F5: variants seen among roughly 807,000 people sequenced by gnomAD.
F5 encodes coagulation factor V, also known as activated protein c cofactor.
In F5, 138 loss-of-function variants were observed where a neutral mutation model predicts 216.4. The ratio of observed to expected loss-of-function variants is 0.64; its 90% CI spans 0.56 to 0.73. F5 has a LOEUF of 0.73. F5 is among the 30% of genes least tolerant of loss of function. The pLI is 0.00. For synonymous variants in F5, 916 were observed against 930.7 expected (o/e 0.98, Z 0.29); for missense variants, 2,403 against 2,674.0 (o/e 0.90, Z 2.24).
intron 3 of F5, among the ~76,000 whole-genome samples, chr1:169,567,246 G>C (rs368230926): frequency 1.3e-5 from 2 of 151,888 alleles, no homozygotes; most frequent in South Asian, 2.1e-4. Context: ...TCCCAAAGGA[G>C]GGGGGAGGGA....
At chr1:169,584,356 A>G (rs1311892823) in intron 1 of F5, among the ~76,000 whole-genome samples, 1 of 152,250 alleles carries the variant, frequency 6.6e-6, no homozygotes, top group Non-Finnish European at 1.5e-5. Context: ...GGATTGTTTA[A>G]AGATGATTTG....
At position 169,550,683 on chromosome 1, in the gene F5, G is replaced by C; in HGVS notation, c.1353C>G (p.Thr451=). 1 of 1,614,020 alleles carries C rather than the reference G, an allele frequency of 6.2e-7. No homozygotes were observed. The highest frequency in any genetic ancestry group is 1.1e-5 in the South Asian group (1 of 91,076). ...RPYSIYPHGV[T]FSPYEDEVNS... ...TGACTTCATCTTCATAAGGCGAGAAGGTCACTCCATGAGGGTAAATGCTAT... is the reference window on the plus strand; with the variant it reads ...TGACTTCATCTTCATAAGGCGAGAACGTCACTCCATGAGGGTAAATGCTAT... Residue 451 remains threonine (T), a synonymous_variant, in exon 9 of 25, where the codon ACC becomes ACG. Coordinates refer to ENST00000367797, the MANE Select transcript of F5 (RefSeq NM_000130.5).
intron 7 of F5, among the ~76,000 whole-genome samples, chr1:169,553,147 C>T (rs373676761): frequency 8.5e-5 from 13 of 152,290 alleles, no homozygotes; most frequent in African/African-American, 2.9e-4. Context: ...AACTTCCAAC[C>T]CCAGGAAACA....
At chr1:169,537,719 T>C (rs1484681083) in intron 13 of F5, among the ~76,000 whole-genome samples, 2 of 152,024 alleles carry the variant, frequency 1.3e-5, no homozygotes, top group African/African-American at 4.8e-5. Context: ...CCAACAAATA[T>C]ATGAAAAGAT....
At chr1:169,575,864 T>A (rs1420223946) in intron 2 of F5, among the ~76,000 whole-genome samples, 1 of 152,104 alleles carries the variant, frequency 6.6e-6, no homozygotes, top group Non-Finnish European at 1.5e-5. Flanking sequence ...TGCTACTTTA[T>A]ATGGCAAAAG....
At chr1:169,576,304 T>C (rs967570646) in intron 2 of F5, among the ~76,000 whole-genome samples, 1 of 152,232 alleles carries the variant, frequency 6.6e-6, no homozygotes. Flanking sequence ...CCTACCCCTG[T>C]CTTGCCACCC....
Position 169,555,203 on chromosome 1 carries a change from A to C in F5, c.1097T>G (p.Val366Gly), listed in dbSNP as rs1660285000. The stretch of plus-strand genomic sequence containing the variant: ...TCACTTGTCCATATTCGCTGGTATT[A>C]CAGGTGCATAGTCCCAAATGACTTC... ...AEEVIWDYAP[V>G]IPANMDKKYR... The change falls in exon 7 of 25, where the codon GTA becomes GGA. Residue 366 changes from valine to glycine, a missense_variant. Physicochemically the swap from Val to Gly is moderately radical, Grantham distance 109 (BLOSUM62 -3). Coordinates refer to ENST00000367797, the MANE Select transcript of F5 (RefSeq NM_000130.5). The C allele has an allele frequency of 6.2e-7, 1 of 1,614,114 alleles. No individual in the cohort carries two copies.
Position 169,514,227 on chromosome 1 carries a change from AT to A in F5, c.*85del. On this transcript the variant is annotated 3_prime_UTR_variant, in exon 25 of 25. Transcript: ENST00000367797. Reference sequence around the variant, plus strand: ...AGAGAAATAGTGGAAAACTGTTAACATTTAACACAGCGTAAAATACATTGCC... The same window carrying A: ...AGAGAAATAGTGGAAAACTGTTAACATTAACACAGCGTAAAATACATTGCC... The A allele has an allele frequency of 7.3e-7, 1 of 1,372,414 alleles. No homozygotes were observed. Among genetic ancestry groups the A allele is most frequent in the Non-Finnish European group, 1.0e-6 (1 of 963,268 alleles). 85.0% of individuals were successfully genotyped at this position (1,372,414 alleles called of 1,614,324 possible).
intron 1 of F5, 124 bp downstream of exon 1, chr1:169,586,105 T>TA (rs1661096603): frequency 9.7e-7 from 1 of 1,028,060 alleles, no homozygotes; most frequent in Admixed American, 2.2e-5. Flanking sequence ...ACTCTCCTAT[T>TA]AGTTATATTT....
intron 24 of F5, 98 bp downstream of exon 24, chr1:169,515,346 G>C: frequency 7.4e-7 from 1 of 1,347,396 alleles, no homozygotes; most frequent in Non-Finnish European, 1.1e-6. Flanking sequence ...TTAAAGAGGT[G>C]GTACATGTCA....
intron 3 of F5, among the ~76,000 whole-genome samples, chr1:169,567,086 G>C (rs1660618775): frequency 1.3e-5 from 2 of 151,824 alleles, no homozygotes; most frequent in South Asian, 4.1e-4. Context: ...GTGCCAGCAT[G>C]GTTGGGTTCT....
chr1:169,572,089 C>A, intron 3 of F5, 132 bp downstream of exon 3: 1 of 1,034,872 alleles, frequency 9.7e-7, no homozygotes, highest in East Asian at 2.6e-5. Flanking sequence ...ACAACAGCAA[C>A]AATTTTTATA....
At chr1:169,534,013 A>T (rs1201734250) in intron 14 of F5, among the ~76,000 whole-genome samples, 1 of 152,148 alleles carries the variant, frequency 6.6e-6, no homozygotes, top group Non-Finnish European at 1.5e-5. Flanking sequence ...TCGACCCGTG[A>T]CCTAATCGGT....
At chr1:169,535,715 AT>A in intron 14 of F5, among the ~76,000 whole-genome samples, 1 of 152,282 alleles carries the variant, frequency 6.6e-6, no homozygotes, top group South Asian at 2.1e-4. Flanking sequence ...GGATCCCCTA[AT>A]CATAAAAGAG....
In F5 at chr1:169,514,021, T is replaced by G; in HGVS notation, c.*292A>C. 2.8e-6 allele frequency: 1 copy of G among 356,008 alleles called. No homozygotes were observed. Among genetic ancestry groups the G allele is most frequent in the Non-Finnish European group, 5.2e-6 (1 of 194,128 alleles). 22.1% of individuals were successfully genotyped at this position (356,008 alleles called of 1,614,324 possible). On this transcript the variant is annotated 3_prime_UTR_variant, in exon 25 of 25. Coordinates refer to ENST00000367797, the MANE Select transcript of F5 (RefSeq NM_000130.5). Reference sequence around the variant, plus strand: ...TAATGAAGCATTTTAACTACATAAATATTACTTCATAGCATTTTCAATCAT... The same window carrying G: ...TAATGAAGCATTTTAACTACATAAAGATTACTTCATAGCATTTTCAATCAT...
intron 24 of F5, 118 bp from the exon 25 acceptor site, chr1:169,514,577 G>C (rs1221494715): frequency 1.2e-6 from 1 of 824,352 alleles, no homozygotes; most frequent in Non-Finnish European, 2.0e-6. Context: ...CAGTGGCACA[G>C]TCATGGCTCA....
intron 23 of F5, among the ~76,000 whole-genome samples, chr1:169,517,705 G>T (rs974187084): frequency 2.6e-5 from 4 of 152,188 alleles, no homozygotes; most frequent in Non-Finnish European, 5.9e-5. Flanking sequence ...TCTCTGGAAG[G>T]TGTTTGTTTA....
Position 169,546,472 on chromosome 1 carries a change from G to T in F5, c.1732C>A (p.Pro578Thr), listed in dbSNP as rs761980727. 1 of 1,614,034 alleles carries T rather than the reference G, an allele frequency of 6.2e-7. No individual in the cohort carries two copies. ...ATGATGTTTGATTCATAAAACTTGG[G>T]GTCATCACGTTTCACCTCATCAGGA... ...ENPDEVKRDD[P>T]KFYESNIMST... Residue 578 changes from proline (P) to threonine (T), a missense_variant, in exon 11 of 25, where the codon CCC (proline) becomes ACC (threonine). Physicochemically the swap from Pro to Thr is conservative, Grantham distance 38. Around this residue, in one of 4 missense-constraint regions of F5, gnomAD observed 1,425 missense variants for 1,554.8 expected, o/e 0.92. Coordinates refer to ENST00000367797, the MANE Select transcript of F5 (RefSeq NM_000130.5).
chr1:169,538,209 T>C (rs1659751332), intron 13 of F5, among the ~76,000 whole-genome samples: 1 of 152,172 alleles, frequency 6.6e-6, no homozygotes, highest in Non-Finnish European at 1.5e-5. Context: ...GAGGTCGTTA[T>C]GTTACATAAA....
Sources: gnomAD v4.1 joint callset for allele counts (sites outside exome capture counted in the v4.1 genomes callset) on GRCh38, gnomAD v4.1.1 for gene constraint, gnomAD v4.1.1 regional missense constraint, MANE v1.5 for transcripts, NCBI Gene and HGNC (gene_info 2026-07-23, HGNC 2026-07-21) for gene names.